Variants in VDR observed in about 807,000 individuals in gnomAD.
The protein encoded by VDR is vitamin D3 receptor.
In VDR, 19 loss-of-function variants were observed where a neutral mutation model predicts 39.7. The ratio of observed to expected loss-of-function variants is 0.48; its 90% CI spans 0.33 to 0.70. The LOEUF (loss-of-function observed/expected upper bound fraction) is 0.70. Among genes scored for constraint, VDR ranks in the 30% least tolerant of loss-of-function variants. The pLI, the probability that VDR is intolerant of heterozygous loss-of-function variation, is 0.02. For synonymous variants in VDR, 242 were observed against 215.8 expected (o/e 1.12, Z -1.07); for missense variants, 442 against 570.5 (o/e 0.77, Z 2.29).
At chr12:47,859,123 C>T (rs114486865) in intron 4 of VDR, among the ~76,000 whole-genome samples, 2,054 of 152,296 alleles carry the variant, frequency 0.013, 48 homozygotes, top group African/African-American at 0.046. Context: ...CCAGGGAAGG[C>T]AATGGGGGTA....
At chr12:47,861,702 G>A (rs1372617442) in intron 4 of VDR, among the ~76,000 whole-genome samples, 1 of 152,226 alleles carries the variant, frequency 6.6e-6, no homozygotes, top group African/African-American at 2.4e-5. Flanking sequence ...GTTTTGGCAT[G>A]TGGACTTTGT....
chr12:47,849,860 AT>A (rs12721390), intron 7 of VDR, among the ~76,000 whole-genome samples: 80,667 of 150,118 alleles, frequency 0.54, 21,869 homozygotes, highest in African/African-American at 0.59. Flanking sequence ...ATTTATTTTA[AT>A]TTTTTTTTTG....
chr12:47,895,790 C>CG (rs1214810307), intron 1 of VDR, among the ~76,000 whole-genome samples: 1 of 152,204 alleles, frequency 6.6e-6, no homozygotes, highest in Non-Finnish European at 1.5e-5. Flanking sequence ...GAATGTCCAG[C>CG]TTTCTATGAA....
intron 1 of VDR, among the ~76,000 whole-genome samples, chr12:47,892,047 A>T (rs544516479): frequency 6.6e-6 from 1 of 152,186 alleles, no homozygotes; most frequent in Non-Finnish European, 1.5e-5. Context: ...TCACCTAGAC[A>T]TGGGGTGGGC....
At chr12:47,882,594 C>T in intron 2 of VDR, 100 bp downstream of exon 2, 6 of 1,097,166 alleles carry the variant, frequency 5.5e-6, no homozygotes, top group Non-Finnish European at 6.5e-6. Flanking sequence ...GGTGGTATCC[C>T]TTCCTTCCCC....
chr12:47,876,056 T>C lies in VDR; in HGVS notation c.146+2912A>G, dbSNP rs115525831. ...GCAAAAAATGTAGCACTAAATAGAT[T>C]GTGAAGACCCTGGCTGGGAAGATAG... On this transcript the variant is annotated intron_variant, in intron 3 of 9. Coordinates refer to ENST00000549336, the MANE Select transcript of VDR (RefSeq NM_000376.3). 8.5e-3 allele frequency among the ~76,000 whole-genome samples: 1,287 copies of C among 152,266 alleles called. 20 individuals carry two copies. Among genetic ancestry groups the C allele is most frequent in the African/African-American group, 0.03 (1,236 of 41,530 alleles).
intron 1 of VDR, chr12:47,904,700 G>A (rs1309388842): frequency 2.7e-6 from 4 of 1,469,686 alleles, no homozygotes; most frequent in Non-Finnish European, 3.7e-6. Flanking sequence ...CTGTGTTAGC[G>A]GAGCATTTCT....
intron 1 of VDR, among the ~76,000 whole-genome samples, chr12:47,888,993 AC>A (rs1946312058): frequency 2.0e-5 from 3 of 152,160 alleles, no homozygotes; most frequent in African/African-American, 7.2e-5. Context: ...CACATTGTGT[AC>A]CCATATTGAA....
At chr12:47,904,932 T>TC (rs939048570) in intron 1 of VDR, 23 bp downstream of exon 1, 24 of 213,572 alleles carry the variant, frequency 1.1e-4, no homozygotes, top group African/African-American at 5.3e-4. Context: ...AGACCCCCTT[T>TC]CCCGCTGCTC....
At chr12:47,890,982 A>G (rs1163443845) in intron 1 of VDR, among the ~76,000 whole-genome samples, 2 of 152,194 alleles carry the variant, frequency 1.3e-5, no homozygotes, top group Non-Finnish European at 2.9e-5. Flanking sequence ...TTGAGGCCCA[A>G]CAACCTACCC....
At chr12:47,876,201 A>G (rs61919101) in intron 3 of VDR, among the ~76,000 whole-genome samples, 28,305 of 150,204 alleles carry the variant, frequency 0.19, 3,017 homozygotes, top group East Asian at 0.46. Context: ...TACAGAATCC[A>G]TGAATAATGA....
intron 1 of VDR, among the ~76,000 whole-genome samples, chr12:47,897,928 C>G (rs977891037): frequency 6.6e-6 from 1 of 152,212 alleles, no homozygotes; most frequent in Non-Finnish European, 1.5e-5. Context: ...GATTAGCCAG[C>G]AAACTCATGG....
At chr12:47,851,389 A>G in intron 7 of VDR, among the ~76,000 whole-genome samples, 1 of 152,076 alleles carries the variant, frequency 6.6e-6, no homozygotes, top group Non-Finnish European at 1.5e-5. Context: ...CCAAGGCCAC[A>G]CTGTAGCACA....
intron 5 of VDR, 56 bp from the exon 6 acceptor site, chr12:47,857,305 G>C: frequency 6.2e-7 from 1 of 1,613,338 alleles, no homozygotes; most frequent in East Asian, 2.2e-5. Context: ...TTCCTACCTT[G>C]GCCCTGATCT....
chr12:47,889,784 C>T (rs1946330349), intron 1 of VDR, among the ~76,000 whole-genome samples: 1 of 152,192 alleles, frequency 6.6e-6, no homozygotes, highest in Admixed American at 6.5e-5. Flanking sequence ...GTTAGTGCAG[C>T]TGATGGCTAA....
Position 47,844,981 on chromosome 12 carries a change from G to A in VDR, c.1049C>T (p.Ala350Val), listed in dbSNP as rs749838232. Residue 350 changes from alanine (A) to valine (V), a missense_variant, in exon 10 of 10, where the codon GCG becomes GTG. Around this residue, in one of 5 missense-constraint regions of VDR, gnomAD observed 173 missense variants for 252.0 expected, o/e 0.69. Coordinates refer to ENST00000549336, the MANE Select transcript of VDR (RefSeq NM_000376.3). ...GCGGTCCTGGATGGCCTCAATCAGCGCGGCGTCCTGCACCCCAGGACGATC... is the reference window on the plus strand; with the variant it reads ...GCGGTCCTGGATGGCCTCAATCAGCACGGCGTCCTGCACCCCAGGACGATC... Reference protein sequence around the residue: ...SPDRPGVQDAALIEAIQDRLS... With the variant: ...SPDRPGVQDAVLIEAIQDRLS... 1.6e-5 allele frequency: 26 copies of A among 1,613,132 alleles called. No individual in the cohort carries two copies. The highest frequency in any genetic ancestry group is 8.9e-5 in the East Asian group (4 of 44,856).
At position 47,879,062 on chromosome 12, in the gene VDR, G is replaced by T. The variant is rs147496897; in HGVS notation, c.52C>A (p.Arg18=). Residue 18 remains arginine (R), a synonymous_variant, in exon 3 of 10, where the codon CGG becomes AGG. Transcript: ENST00000549336. The part of the protein sequence containing the change: ...TSLPDPGDFD[R]NVPRICGVCG... Reference sequence around the variant, plus strand: ...ACCCCACAGATCCGGGGCACGTTCCGGTCAAAGTCTCCAGGGTCAGGCAGG... The same window carrying T: ...ACCCCACAGATCCGGGGCACGTTCCTGTCAAAGTCTCCAGGGTCAGGCAGG... 4 of 1,614,150 alleles carry T rather than the reference G, an allele frequency of 2.5e-6. No individual in the cohort carries two copies. Among genetic ancestry groups the T allele is most frequent in the African/African-American group, 1.3e-5 (1 of 75,040 alleles).
chr12:47,882,629 C>CT, intron 2 of VDR, 65 bp downstream of exon 2: 8 of 373,216 alleles, frequency 2.1e-5, no homozygotes, highest in Non-Finnish European at 3.0e-5. Context: ...TTATGCCCCT[C>CT]CCCCCCACCC....
intron 3 of VDR, among the ~76,000 whole-genome samples, chr12:47,869,543 A>G (rs987969677): frequency 6.1e-5 from 9 of 146,870 alleles, no homozygotes; most frequent in African/African-American, 2.1e-4. Flanking sequence ...CTCAAAAAAA[A>G]AAAAAAAAAA....
Sources: allele counts gnomAD v4.1 joint callset (sites outside exome capture counted in the v4.1 genomes callset), GRCh38; gene constraint gnomAD v4.1.1; regional missense constraint gnomAD v4.1.1; transcripts MANE v1.5; gene names NCBI Gene and HGNC (gene_info 2026-07-23, HGNC 2026-07-21).